The following NETO1 variants were observed in gnomAD, a reference collection of about 807,000 sequenced individuals.
NETO1 encodes the protein neuropilin and tolloid like 1, also known as neuropilin and tolloid-like protein 1.
A neutral mutation model predicts 61.3 loss-of-function variants in NETO1; 26 were observed. That is an observed-to-expected ratio of 0.42 (90% CI 0.31 to 0.59). NETO1 has a LOEUF of 0.59. Among genes scored for constraint, NETO1 ranks in the 20% least tolerant of loss-of-function variants. The probability of loss-of-function intolerance (pLI) is 0.12; values close to 1 mark genes in which losing one functional copy is unlikely to be tolerated. For missense variants in NETO1, 531 were observed against 662.8 expected (o/e 0.80, Z 2.18); for synonymous variants, 225 against 225.8 (o/e 1.00, Z 0.03).
At chr18:72,857,939 G>T (rs1227116310) in intron 4 of NETO1, among the ~76,000 whole-genome samples, 6 of 152,026 alleles carry the variant, frequency 3.9e-5, no homozygotes, top group Non-Finnish European at 5.9e-5. Context: ...TATCAAAGCT[G>T]TATTTAGATG....
At chr18:72,773,397 C>T (rs12966328) in intron 7 of NETO1, among the ~76,000 whole-genome samples, 45,701 of 151,996 alleles carry the variant, frequency 0.3, 8,039 homozygotes, top group South Asian at 0.48. Flanking sequence ...AAGTTAATAA[C>T]CAAATGATAT....
intron 7 of NETO1, among the ~76,000 whole-genome samples, chr18:72,769,851 T>C (rs774486538): frequency 6.6e-6 from 1 of 152,194 alleles, no homozygotes; most frequent in Non-Finnish European, 1.5e-5. Flanking sequence ...CCCAGAACCA[T>C]TTAACCAATC....
chr18:72,783,937 T>C (rs1162490625), intron 6 of NETO1, 31 bp from the exon 7 acceptor site: 1 of 1,479,308 alleles, frequency 6.8e-7, no homozygotes, highest in Non-Finnish European at 9.4e-7. Flanking sequence ...AATTTCCACA[T>C]ATCAAAATAT....
At position 72,804,401 on chromosome 18, in the gene NETO1, C is replaced by T. The variant is rs1344947418; in HGVS notation, c.470-9997G>A. ...AAATTTCACACTGCTAGCCACATTG[C>T]AGATGAACTTTCTGGAAACTACTGT... On this transcript the variant is annotated intron_variant, in intron 4 of 10. Transcript: ENST00000327305. Among the ~76,000 whole-genome samples, 6 of 152,308 alleles carry T rather than the reference C, an allele frequency of 3.9e-5. No homozygotes were observed. In the East Asian group the frequency reaches 1.2e-3, roughly 29 times the overall value.
chr18:72,773,571 A>T (rs1233415675), intron 7 of NETO1, among the ~76,000 whole-genome samples: 4 of 152,286 alleles, frequency 2.6e-5, no homozygotes, highest in South Asian at 2.1e-4. Context: ...AGGTAAATGA[A>T]TCATGGGGTC....
At chr18:72,835,525 C>T (rs2145427607) in intron 4 of NETO1, among the ~76,000 whole-genome samples, 1 of 152,136 alleles carries the variant, frequency 6.6e-6, no homozygotes, top group Admixed American at 6.6e-5. Context: ...AGGTAGAAAG[C>T]TAAGACATAG....
intron 4 of NETO1, among the ~76,000 whole-genome samples, chr18:72,802,206 C>T (rs1169812184): frequency 2.6e-5 from 4 of 151,330 alleles, no homozygotes; most frequent in Admixed American, 1.3e-4. Context: ...CATTAGCTCT[C>T]TAAAAGCCAA....
intron 4 of NETO1, chr18:72,834,966 T>C: frequency 1.3e-6 from 1 of 796,024 alleles, no homozygotes; most frequent in Non-Finnish European, 1.5e-6. Flanking sequence ...ACAATATAAT[T>C]TAACACAATA....
intron 7 of NETO1, 62 bp from the exon 8 acceptor site, chr18:72,756,209 C>T (rs2070778088): frequency 1.3e-6 from 1 of 760,030 alleles, no homozygotes; most frequent in Non-Finnish European, 2.3e-6. Context: ...TAGTAAATCA[C>T]TCACATTACA....
At chr18:72,751,784 C>G (rs1379195181) in intron 8 of NETO1, among the ~76,000 whole-genome samples, 1 of 152,214 alleles carries the variant, frequency 6.6e-6, no homozygotes, top group Admixed American at 6.5e-5. Flanking sequence ...CCAGAAGAAG[C>G]TGTGCCCAGA....
At chr18:72,748,926 A>G in intron 10 of NETO1, 88 bp downstream of exon 10, 3 of 818,470 alleles carry the variant, frequency 3.7e-6, no homozygotes, top group Non-Finnish European at 6.4e-6. Flanking sequence ...ATAATGGATA[A>G]ATAGCACATT....
At chr18:72,804,879 T>G (rs1047325708) in intron 4 of NETO1, among the ~76,000 whole-genome samples, 1 of 152,224 alleles carries the variant, frequency 6.6e-6, no homozygotes, top group African/African-American at 2.4e-5. Flanking sequence ...ATGTCATTCA[T>G]CCTTAATATT....
chr18:72,766,218 A>ATGTG lies in NETO1; in HGVS notation c.869-10072_869-10071insCACA, dbSNP rs1491112327. On this transcript the variant is annotated intron_variant, in intron 7 of 10. Coordinates refer to ENST00000327305, the MANE Select transcript of NETO1 (RefSeq NM_138966.5). ...GAGACTCAGTCTCAGAAAAAAAAAA[A>ATGTG]TATGTGTGTGTGTGTGTGTGTGTGT... Among the ~76,000 whole-genome samples the ATGTG allele has an allele frequency of 1.9e-4, 14 of 75,376 alleles. No homozygotes were observed. In the East Asian group the frequency reaches 2.2e-3, roughly 12 times the overall value. The allele number at this position is 75,376 out of a possible 152,430, so 49.4% of individuals were successfully genotyped here.
chr18:72,777,441 AC>A (rs57173662), intron 7 of NETO1, among the ~76,000 whole-genome samples: 6,133 of 56,600 alleles, frequency 0.11, 196 homozygotes, highest in African/African-American at 0.29. Context: ...CAAAACAACA[AC>A]AAAAAAAAAA....
chr18:72,823,426 C>T (rs984555868), intron 4 of NETO1, among the ~76,000 whole-genome samples: 3 of 151,968 alleles, frequency 2.0e-5, no homozygotes, highest in Non-Finnish European at 2.9e-5. Flanking sequence ...TCTGAGATCA[C>T]GTGAGGGACC....
chr18:72,828,962 C>T (rs1314283262), intron 4 of NETO1, among the ~76,000 whole-genome samples: 3 of 59,444 alleles, frequency 5.0e-5, no homozygotes, highest in Non-Finnish European at 1.3e-4. Context: ...TCCAAGAGAA[C>T]TGTTCTAAAA....
At chr18:72,839,451 A>C (rs1250529247) in intron 4 of NETO1, among the ~76,000 whole-genome samples, 4 of 152,186 alleles carry the variant, frequency 2.6e-5, no homozygotes, top group Admixed American at 6.5e-5. Flanking sequence ...CAATTTTAAA[A>C]CACTGAAGCT....
chr18:72,784,055 G>A (rs975051719), intron 6 of NETO1, 149 bp from the exon 7 acceptor site: 18 of 630,268 alleles, frequency 2.9e-5, no homozygotes, highest in Middle Eastern at 3.9e-4. Context: ...GAAGATGTAC[G>A]ATAAGAACAA....
At position 72,810,434 on chromosome 18, in the gene NETO1, C is replaced by T. The variant is rs553442518; in HGVS notation, c.470-16030G>A. 2.0e-5 allele frequency among the ~76,000 whole-genome samples: 3 copies of T among 152,272 alleles called. No homozygotes were observed. In the East Asian group the frequency reaches 5.8e-4, roughly 29 times the overall value. On this transcript the variant is annotated intron_variant, in intron 4 of 10. Transcript: ENST00000327305. ...GAATGATTATTCCTGGACCTCCAGA[C>T]CTAACTGCCAGGGTGCATTTGGCAT...
Sources: gnomAD v4.1 joint callset for allele counts (sites outside exome capture counted in the v4.1 genomes callset) on GRCh38, gnomAD v4.1.1 for gene constraint, MANE v1.5 for transcripts, NCBI Gene and HGNC (gene_info 2026-07-23, HGNC 2026-07-21) for gene names.